DOK5: variants seen among roughly 807,000 people sequenced by gnomAD.
The protein encoded by DOK5 is docking protein 5.
DOK5 carries 27 observed loss-of-function variants against 43.3 expected under a neutral mutation model. That is an observed-to-expected ratio of 0.62 (90% confidence interval 0.46 to 0.86). The LOEUF (loss-of-function observed/expected upper bound fraction) is 0.86, where lower values mean the gene tolerates loss of function less well. DOK5 is among the 40% of genes least tolerant of loss of function. DOK5 has a pLI of 0.00. For missense variants in DOK5, 373 were observed against 392.9 expected, an observed-to-expected ratio of 0.95 and a Z score of 0.43; for synonymous variants, 146 against 140.1, an observed-to-expected ratio of 1.04 and a Z score of -0.30.
chr20:54,490,765 T>C (rs912787839), intron 1 of DOK5, among the ~76,000 whole-genome samples: 2 of 152,190 alleles, frequency 1.3e-5, no homozygotes, highest in African/African-American at 2.4e-5. Context: ...AATTTTTGTA[T>C]TTTTAGTAGA....
chr20:54,643,570 G>T lies in DOK5; in HGVS notation c.848G>T (p.Arg283Leu), dbSNP rs763596717. The part of the protein sequence containing the change: ...TRQHSTGQLY[R>L]LQDVSSPLKL... ...CAGCACAGCACGGGACAGCTCTACC[G>T]CTTGCAAGGTAAGCGTGGGGCTACC... The change falls in exon 7 of 8, where the codon CGC (arginine) becomes CTC (leucine). Residue 283 changes from arginine to leucine, a missense_variant. By Grantham distance (102) the Arg-to-Leu change is moderately radical (BLOSUM62 -2). Coordinates refer to ENST00000262593, the MANE Select transcript of DOK5 (RefSeq NM_018431.5). The T allele has an allele frequency of 6.2e-7, 1 of 1,612,490 alleles. No individual in the cohort carries two copies. Among genetic ancestry groups the T allele is most frequent in the Admixed American group, 1.7e-5 (1 of 59,988 alleles).
intron 1 of DOK5, among the ~76,000 whole-genome samples, chr20:54,493,995 T>G (rs1219315836): frequency 6.6e-6 from 1 of 152,184 alleles, no homozygotes; most frequent in Non-Finnish European, 1.5e-5. Context: ...TATTGGACAG[T>G]GCTTCCCTAT....
intron 6 of DOK5, among the ~76,000 whole-genome samples, chr20:54,627,429 A>G (rs1978346957): frequency 6.6e-6 from 1 of 152,192 alleles, no homozygotes; most frequent in South Asian, 2.1e-4. Context: ...ATATTAGTAG[A>G]TCCATTTCAT....
intron 1 of DOK5, among the ~76,000 whole-genome samples, chr20:54,483,649 A>G (rs1981814620): frequency 1.3e-5 from 2 of 152,194 alleles, no homozygotes; most frequent in Non-Finnish European, 2.9e-5. Flanking sequence ...AGTAGGGTGG[A>G]AATTAAACCT....
intron 2 of DOK5, among the ~76,000 whole-genome samples, chr20:54,573,719 C>T (rs750793182): frequency 2.3e-3 from 331 of 142,004 alleles, no homozygotes; most frequent in Non-Finnish European, 4.7e-4. Flanking sequence ...AGGATAATAA[C>T]GTTGGTTGTG....
At chr20:54,501,189 T>C (rs193160425) in intron 1 of DOK5, among the ~76,000 whole-genome samples, 337 of 151,232 alleles carry the variant, frequency 2.2e-3, no homozygotes, top group Middle Eastern at 7.5e-3. Flanking sequence ...GCAGTGGGGC[T>C]GGGCGCGGTG....
At chr20:54,538,205 CTTT>C (rs201764762) in intron 1 of DOK5, among the ~76,000 whole-genome samples, 4 of 142,064 alleles carry the variant, frequency 2.8e-5, no homozygotes, top group African/African-American at 2.6e-5. Context: ...TTATTATGCA[CTTT>C]TTTTTTTTTT....
chr20:54,600,273 G>A (rs1176598936), intron 5 of DOK5, among the ~76,000 whole-genome samples: 3 of 152,112 alleles, frequency 2.0e-5, no homozygotes, highest in African/African-American at 7.2e-5. Flanking sequence ...GAAGAATTTG[G>A]CTTTTAGTCT....
At chr20:54,493,630 A>G (rs1282354316) in intron 1 of DOK5, among the ~76,000 whole-genome samples, 2 of 152,172 alleles carry the variant, frequency 1.3e-5, no homozygotes, top group African/African-American at 2.4e-5. Context: ...TGGCTACCAT[A>G]TTGGACAACA....
chr20:54,501,327 C>T (rs1408724425), intron 1 of DOK5, among the ~76,000 whole-genome samples: 7 of 151,488 alleles, frequency 4.6e-5, no homozygotes, highest in Non-Finnish European at 7.4e-5. Context: ...ATTAGCTGGG[C>T]GTGGTGGTGG....
rs991448798 is a variant in DOK5, at chr20:54,591,555, T to G, written c.410-61T>G. The G allele has an allele frequency of 3.0e-6, 4 of 1,330,324 alleles. No individual in the cohort carries two copies. The Admixed American group carries it at 9.3e-5, about 31-fold the overall frequency. The allele number at this position is 1,330,324 out of a possible 1,614,324, so 82.4% of individuals were successfully genotyped here. On this transcript the variant is annotated intron_variant, in intron 4 of 7. Coordinates refer to ENST00000262593, the MANE Select transcript of DOK5 (RefSeq NM_018431.5). ...TTGTTTTTAAATGCCTCTATGTTCCTACAATGTCTTTGATGTTTTATTCCT... is the reference window on the plus strand; with the variant it reads ...TTGTTTTTAAATGCCTCTATGTTCCGACAATGTCTTTGATGTTTTATTCCT...
At chr20:54,537,346 C>G (rs1983992765) in intron 1 of DOK5, among the ~76,000 whole-genome samples, 1 of 152,026 alleles carries the variant, frequency 6.6e-6, no homozygotes, top group Non-Finnish European at 1.5e-5. Context: ...CTTATTATAC[C>G]AAATCAGGAA....
At chr20:54,491,599 C>T (rs1342608303) in intron 1 of DOK5, among the ~76,000 whole-genome samples, 3 of 152,276 alleles carry the variant, frequency 2.0e-5, no homozygotes, top group East Asian at 1.9e-4. Context: ...GCTTACACCT[C>T]GGCTTCCGCT....
chr20:54,587,064 G>C (rs920076129), intron 2 of DOK5, among the ~76,000 whole-genome samples: 3 of 152,142 alleles, frequency 2.0e-5, no homozygotes, highest in Non-Finnish European at 4.4e-5. Flanking sequence ...AATGGAAGTG[G>C]AAAGATCAAT....
chr20:54,628,396 G>A (rs1477110579), intron 6 of DOK5, among the ~76,000 whole-genome samples: 7 of 100,384 alleles, frequency 7.0e-5, no homozygotes, highest in South Asian at 7.0e-4. Flanking sequence ...GCGACAGAGC[G>A]AGACTCCGTC....
At chr20:54,570,826 G>A (rs73911974) in intron 2 of DOK5, among the ~76,000 whole-genome samples, 2,681 of 152,256 alleles carry the variant, frequency 0.018, 72 homozygotes, top group African/African-American at 0.058. Flanking sequence ...ACAGTTTCCC[G>A]TCTAGTTACA....
chr20:54,600,716 T>C (rs1986276400), intron 5 of DOK5, among the ~76,000 whole-genome samples: 1 of 152,212 alleles, frequency 6.6e-6, no homozygotes, highest in African/African-American at 2.4e-5. Flanking sequence ...GATTGATTGA[T>C]TGGTGGATCT....
intron 7 of DOK5, among the ~76,000 whole-genome samples, chr20:54,647,854 A>T (rs564460032): frequency 4.6e-5 from 7 of 152,332 alleles, no homozygotes; most frequent in Middle Eastern, 6.8e-3. Context: ...ATCTATTTGG[A>T]CATGAAACTT....
intron 1 of DOK5, among the ~76,000 whole-genome samples, chr20:54,532,006 G>A (rs1328482422): frequency 6.6e-6 from 1 of 152,170 alleles, no homozygotes; most frequent in African/African-American, 2.4e-5. Context: ...TATGCAGCAA[G>A]CATTTGTTGA....
Sources: gnomAD v4.1 joint callset for allele counts (sites outside exome capture counted in the v4.1 genomes callset) on GRCh38, gnomAD v4.1.1 for gene constraint, MANE v1.5 for transcripts, NCBI Gene and HGNC (gene_info 2026-07-23, HGNC 2026-07-21) for gene names.